The following CASKIN2 variants were observed in gnomAD, a reference collection of about 807,000 sequenced individuals.
The protein encoded by CASKIN2 is caskin-2.
CASKIN2 carries 41 observed loss-of-function variants against 107.1 expected under a neutral mutation model. That is an observed-to-expected ratio of 0.38 (90% CI 0.30 to 0.50). CASKIN2 has a LOEUF of 0.50. Ranked by LOEUF, CASKIN2 falls within the 20% of genes least tolerant of loss-of-function variation. The pLI, the probability that CASKIN2 is intolerant of heterozygous loss-of-function variation, is 0.92. For missense variants in CASKIN2, 1,546 were observed against 1,657.4 expected, an observed-to-expected ratio of 0.93 and a Z score of 1.17; for synonymous variants, 724 against 705.6, an observed-to-expected ratio of 1.03 and a Z score of -0.41.
rs2053350995 is a variant in CASKIN2, at chr17:75,515,461, T to G, written c.-465A>C. On this transcript the variant is annotated 5_prime_UTR_variant, in exon 1 of 20. Coordinates refer to ENST00000321617, the MANE Select transcript of CASKIN2 (RefSeq NM_020753.5). ...GCTCGGTCCCTGGCACTCAGGACGG[T>G]GGCTCCCACTCCCCCCTGCCCCCCT... 6.6e-6 allele frequency: 1 copy of G among 152,346 alleles called. No individual in the cohort carries two copies. Among genetic ancestry groups the G allele is most frequent in the Non-Finnish European group, 1.5e-5 (1 of 68,310 alleles). 9.4% of individuals were successfully genotyped at this position (152,346 alleles called of 1,614,324 possible). A position where few individuals can be genotyped will look rare whatever the true frequency, so the allele number is the denominator to read the frequency against.
At chr17:75,501,309 C>T in intron 19 of CASKIN2, 139 bp from the exon 20 acceptor site, 1 of 1,178,524 alleles carries the variant, frequency 8.5e-7, no homozygotes, top group South Asian at 1.5e-5. Context: ...AAATGGTAGC[C>T]ACCAGGATTC....
Position 75,501,014 on chromosome 17 carries a change from G to A in CASKIN2, c.*66C>T, listed in dbSNP as rs2053172789. Reference sequence around the variant, plus strand: ...CTTGGCCCGTCCCTAGGGTGGCAGGGGCCTCTTCTGTGCTGGGGCAAAGGC... The same window carrying A: ...CTTGGCCCGTCCCTAGGGTGGCAGGAGCCTCTTCTGTGCTGGGGCAAAGGC... On this transcript the variant is annotated 3_prime_UTR_variant, in exon 20 of 20. Coordinates refer to ENST00000321617, the MANE Select transcript of CASKIN2 (RefSeq NM_020753.5). 6.9e-7 allele frequency: 1 copy of A among 1,453,174 alleles called. No individual in the cohort carries two copies. The allele number at this position is 1,453,174 out of a possible 1,614,324, so 90.0% of individuals were successfully genotyped here.
chr17:75,504,531 G>A lies in CASKIN2; in HGVS notation c.1314+41C>T, dbSNP rs183819793. ...CTCAGCATTTGGGGAACTGGCAGTGGGGAGTGAGCCCTGACCTGGTCCGTG... is the reference window on the plus strand; with the variant it reads ...CTCAGCATTTGGGGAACTGGCAGTGAGGAGTGAGCCCTGACCTGGTCCGTG... On this transcript the variant is annotated intron_variant, in intron 12 of 19. Coordinates refer to ENST00000321617, the MANE Select transcript of CASKIN2 (RefSeq NM_020753.5). 6.3e-6 allele frequency: 10 copies of A among 1,595,850 alleles called. No homozygotes were observed. The African/African-American group carries it at 1.3e-4, about 21-fold the overall frequency.
At chr17:75,513,656 CT>C in intron 2 of CASKIN2, 54 bp downstream of exon 2, 1 of 1,430,114 alleles carries the variant, frequency 7.0e-7, no homozygotes, top group African/African-American at 1.4e-5. Context: ...CCCACCAAGC[CT>C]CTGTGAACTG....
At chr17:75,510,228 C>G (rs2053305317) in intron 2 of CASKIN2, among the ~76,000 whole-genome samples, 1 of 152,174 alleles carries the variant, frequency 6.6e-6, no homozygotes, top group African/African-American at 2.4e-5. Flanking sequence ...GGGCGGGGAG[C>G]AGGGCCAGGG....
At position 75,506,630 on chromosome 17, in the gene CASKIN2, G is replaced by A; in HGVS notation, c.570C>T (p.Thr190=). Residue 190 remains threonine (T), a synonymous_variant, in exon 7 of 20, where the codon ACC becomes ACT. Coordinates refer to ENST00000321617, the MANE Select transcript of CASKIN2 (RefSeq NM_020753.5). The surrounding 1 kb of genome is among the most constrained non-coding windows in gnomAD (Gnocchi z 4.8). ...EAKDPCDPNY[T]TPLHLAAKNG... ...TCTTGGCAGCCAAGTGCAGGGGCGT[G>A]GTGTAGTTGGGGTCACACGGGTCTT... 1 of 1,613,108 alleles carries A rather than the reference G, an allele frequency of 6.2e-7. No individual in the cohort carries two copies.
Position 75,500,907 on chromosome 17 carries a change from C to T in CASKIN2, c.*173G>A. The stretch of plus-strand genomic sequence containing the variant: ...GCTAGTCAGGTTCTAAGGTGGGCTG[C>T]CCCACAAGAGCTGTGGTGCCCACAG... On this transcript the variant is annotated 3_prime_UTR_variant, in exon 20 of 20. Transcript: ENST00000321617. The T allele has an allele frequency of 3.2e-6, 2 of 620,570 alleles. No homozygotes were observed. Among genetic ancestry groups the T allele is most frequent in the South Asian group, 1.9e-5 (1 of 52,448 alleles). The allele number at this position is 620,570 out of a possible 1,614,324, so 38.4% of individuals were successfully genotyped here.
Position 75,505,653 on chromosome 17 carries a change from T to TTC in CASKIN2, c.836-3_836-2insGA, listed in dbSNP as rs761528058. ...GGACCTTCAGGATCCCTGAGGCCTC[T>TTC]AAGAAAACGGGGTGGGGGACAGGTG... On this transcript the variant is annotated splice_polypyrimidine_tract_variant and splice_region_variant and intron_variant, in intron 9 of 19. Coordinates refer to ENST00000321617, the MANE Select transcript of CASKIN2 (RefSeq NM_020753.5). This position sits in a 1 kb window ranked among gnomAD's most constrained non-coding sequence, Gnocchi z 5.1. 3.1e-6 allele frequency: 5 copies of TTC among 1,612,320 alleles called. No homozygotes were observed. In the South Asian group the frequency reaches 3.3e-5, roughly 11 times the overall value.
intron 1 of CASKIN2, among the ~76,000 whole-genome samples, chr17:75,514,725 G>C (rs2053342281): frequency 6.6e-6 from 1 of 152,318 alleles, no homozygotes; most frequent in South Asian, 2.1e-4. Flanking sequence ...CTTTGTGAAC[G>C]GAGAGCATGA....
intron 2 of CASKIN2, 117 bp from the exon 3 acceptor site, chr17:75,508,402 A>G: frequency 8.8e-7 from 1 of 1,137,334 alleles, no homozygotes; most frequent in South Asian, 1.4e-5. Flanking sequence ...CACCTGCCCC[A>G]TGGCCTTCCG....
intron 2 of CASKIN2, among the ~76,000 whole-genome samples, chr17:75,509,256 G>A (rs564539820): frequency 3.7e-4 from 56 of 152,348 alleles, no homozygotes; most frequent in African/African-American, 1.3e-3. Flanking sequence ...GGCCTGTCAT[G>A]GGTGGCCCCT....
intron 2 of CASKIN2, among the ~76,000 whole-genome samples, chr17:75,508,771 T>C (rs1251775791): frequency 1.3e-5 from 2 of 152,352 alleles, no homozygotes; most frequent in African/African-American, 4.8e-5. Context: ...TACCCAACAC[T>C]GGCTCTGCCA....
chr17:75,502,568 TGCGTCCTG>T lies in CASKIN2; in HGVS notation c.2498_2505del (p.Pro833GlnfsTer9). 1 of 1,580,380 alleles carries T rather than the reference TGCGTCCTG, an allele frequency of 6.3e-7. No homozygotes were observed. The highest frequency in any genetic ancestry group is 1.1e-5 in the South Asian group (1 of 87,088). ...CTAGGACTGGTCCGGACAAGGGCAC[TGCGTCCTG>T]GCCGCCGGGTAAGGGTAGCATAACT... On this transcript the variant is annotated frameshift_variant, in exon 18 of 20. Coordinates refer to ENST00000321617, the MANE Select transcript of CASKIN2 (RefSeq NM_020753.5). LOFTEE classifies it high-confidence loss of function. The surrounding 1 kb of genome is among the most constrained non-coding windows in gnomAD (Gnocchi z 4.3).
chr17:75,513,677 C>T, intron 2 of CASKIN2, 34 bp downstream of exon 2: 1 of 1,586,940 alleles, frequency 6.3e-7, no homozygotes. Flanking sequence ...GAGCGCTCGG[C>T]CTCAGCGGGA....
rs1250618505 is a variant in CASKIN2 at position 75,502,659 on chromosome 17, G to A, written c.2415C>T (p.Gly805=). ...CCCCCTCAGCATCCCCCTCTGTGGG[G>A]CCAGGGCGGCTTAGGCTGTGGGACC... is the stretch of plus-strand genomic sequence containing the variant. The part of the protein sequence containing the change: ...KRRSHSLSRP[G]PTEGDAEGEA... The change falls in exon 18 of 20, where the codon GGC becomes GGT. Residue 805 remains glycine (G), a synonymous_variant. Coordinates refer to ENST00000321617, the MANE Select transcript of CASKIN2 (RefSeq NM_020753.5). This position sits in a 1 kb window ranked among gnomAD's most constrained non-coding sequence, Gnocchi z 4.3. 3.1e-6 allele frequency: 5 copies of A among 1,603,956 alleles called. No individual in the cohort carries two copies. Among genetic ancestry groups the A allele is most frequent in the South Asian group, 1.1e-5 (1 of 89,804 alleles).
At position 75,506,443 on chromosome 17, in the gene CASKIN2, GGT is replaced by G; in HGVS notation, c.618-32_618-31del. ...AGTGGACGGGGGGAGTCACGGGGGA[GGT>G]GGCGTAGGAGGGGGTGCTGACTGCT... is the stretch of plus-strand genomic sequence containing the variant. On this transcript the variant is annotated intron_variant, in intron 7 of 19. Coordinates refer to ENST00000321617, the MANE Select transcript of CASKIN2 (RefSeq NM_020753.5). This position sits in a 1 kb window ranked among gnomAD's most constrained non-coding sequence, Gnocchi z 4.8. The G allele has an allele frequency of 6.3e-7, 1 of 1,597,598 alleles. No individual in the cohort carries two copies. The highest frequency in any genetic ancestry group is 8.5e-7 in the Non-Finnish European group (1 of 1,172,856).
In CASKIN2 at chr17:75,501,027, C is replaced by T; in HGVS notation, c.*53G>A. 1 of 1,516,592 alleles carries T rather than the reference C, an allele frequency of 6.6e-7. No individual in the cohort carries two copies. The allele number at this position is 1,516,592 out of a possible 1,614,324, so 93.9% of individuals were successfully genotyped here. A position where few individuals can be genotyped will look rare whatever the true frequency, so the allele number is the denominator to read the frequency against. Reference sequence around the variant, plus strand: ...TAGGGTGGCAGGGGCCTCTTCTGTGCTGGGGCAAAGGCAGTGGACTTCGGC... The same window carrying T: ...TAGGGTGGCAGGGGCCTCTTCTGTGTTGGGGCAAAGGCAGTGGACTTCGGC... On this transcript the variant is annotated 3_prime_UTR_variant, in exon 20 of 20. Coordinates refer to ENST00000321617, the MANE Select transcript of CASKIN2 (RefSeq NM_020753.5).
At chr17:75,513,574 C>G in intron 2 of CASKIN2, 137 bp downstream of exon 2, 1 of 739,132 alleles carries the variant, frequency 1.4e-6, no homozygotes, top group Non-Finnish European at 2.3e-6. Context: ...CTCTCTCACA[C>G]AGAGGCACTT....
Position 75,501,113 on chromosome 17 carries a change from G to T in CASKIN2, c.3576C>A (p.Ala1192=). ...GCATGGCGTCCAGCTGGTCAGCCAG[G>T]GCGTCGAACATGGTGCTGATGTCAT... ...ILDDISTMFD[A]LADQLDAMLD is the part of the protein sequence containing the mutation. Residue 1192 remains alanine, a synonymous_variant, in exon 20 of 20, where the codon GCC becomes GCA. Coordinates refer to ENST00000321617, the MANE Select transcript of CASKIN2 (RefSeq NM_020753.5). 2 of 1,588,680 alleles carry T rather than the reference G, an allele frequency of 1.3e-6. No homozygotes were observed. The highest frequency in any genetic ancestry group is 1.7e-6 in the Non-Finnish European group (2 of 1,167,488).
Sources: allele counts gnomAD v4.1 joint callset (sites outside exome capture counted in the v4.1 genomes callset), GRCh38; gene constraint gnomAD v4.1.1; non-coding constraint Gnocchi (gnomAD v3.1); transcripts MANE v1.5; gene names NCBI Gene and HGNC (gene_info 2026-07-23, HGNC 2026-07-21).